The following APAF1 variants were observed in gnomAD, a reference collection of about 807,000 sequenced individuals.
APAF1 encodes apoptotic protease-activating factor 1.
A neutral mutation model predicts 152.4 loss-of-function variants in APAF1; 91 were observed. The ratio of observed to expected loss-of-function variants is 0.60; its 90% CI spans 0.50 to 0.71. The LOEUF is 0.71. Among genes scored for constraint, APAF1 ranks in the 30% least tolerant of loss-of-function variants. The probability of loss-of-function intolerance (pLI) is 0.00; values close to 1 mark genes in which losing one functional copy is unlikely to be tolerated. For missense variants in APAF1, 1,283 were observed against 1,472.0 expected (o/e 0.87, Z 2.10); for synonymous variants, 484 against 494.1 (o/e 0.98, Z 0.27).
chr12:98,665,532 G>T, intron 7 of APAF1, 21 bp from the exon 8 acceptor site: 2 of 1,520,124 alleles, frequency 1.3e-6, no homozygotes, highest in South Asian at 2.2e-5. Flanking sequence ...TTAGCATAGT[G>T]ACTTCATTTT....
intron 14 of APAF1, among the ~76,000 whole-genome samples, 193 bp from the exon 15 acceptor site, chr12:98,682,950 T>A (rs765505499): frequency 1.3e-5 from 2 of 152,164 alleles, no homozygotes; most frequent in Admixed American, 6.5e-5. Flanking sequence ...TGCAAATAAT[T>A]TTTTTTAAAC....
Position 98,667,639 on chromosome 12 carries a change from C to T in APAF1, c.1489C>T (p.His497Tyr), listed in dbSNP as rs781420888. 3 of 1,613,476 alleles carry T rather than the reference C, an allele frequency of 1.9e-6. No individual in the cohort carries two copies. The highest frequency in any genetic ancestry group is 1.6e-4 in the Middle Eastern group (1 of 6,062). The change falls in exon 10 of 27, where the codon CAC becomes TAC. Residue 497 changes from histidine (H) to tyrosine (Y), a missense_variant. Coordinates refer to ENST00000551964, the MANE Select transcript of APAF1 (RefSeq NM_181861.2). ...LAYHMASAKM[H>Y]KELCALMFSL... ...CTATCACATGGCCAGTGCCAAGATG[C>T]ACAAGGTAAGATGACCCATTTAAAA... is the stretch of plus-strand genomic sequence containing the variant.
intron 13 of APAF1, among the ~76,000 whole-genome samples, chr12:98,679,397 C>G (rs1271860910): frequency 2.6e-5 from 4 of 152,176 alleles, no homozygotes; most frequent in African/African-American, 9.6e-5. Flanking sequence ...CTGCCCCCCG[C>G]AGGTTTATTG....
At chr12:98,718,662 G>A (rs552379369) in intron 22 of APAF1, among the ~76,000 whole-genome samples, 7 of 152,218 alleles carry the variant, frequency 4.6e-5, no homozygotes, top group African/African-American at 9.6e-5. Context: ...CTTACTGGGC[G>A]CAGCGGCTCA....
chr12:98,654,811 ATT>A, intron 4 of APAF1, among the ~76,000 whole-genome samples: 1 of 94,560 alleles, frequency 1.1e-5, no homozygotes, highest in East Asian at 3.3e-4. Context: ...TTAAAGTAGT[ATT>A]TTCTTTTTTT....
intron 7 of APAF1, 97 bp from the exon 8 acceptor site, chr12:98,665,456 C>T: frequency 2.3e-6 from 2 of 852,336 alleles, no homozygotes; most frequent in South Asian, 2.7e-5. Context: ...TAACATGCAG[C>T]AGAAATTGTT....
In APAF1 at chr12:98,671,611, A is replaced by G. The variant is rs1401863373; in HGVS notation, c.1685A>G (p.Asn562Ser). The G allele has an allele frequency of 1.2e-6, 2 of 1,613,846 alleles. No individual in the cohort carries two copies. The highest frequency in any genetic ancestry group is 2.2e-5 in the East Asian group (1 of 44,874). Residue 562 changes from asparagine (N) to serine (S), a missense_variant, in exon 12 of 27, where the codon AAT becomes AGT. Asn to Ser is a conservative substitution (Grantham distance 46). Transcript: ENST00000551964. ...CTTCTTGGACGACAGCCATTTCCTA[A>G]TATTGTACAACTGGGTCTCTGTGAG... Reference protein sequence around the residue: ...GHLLGRQPFPNIVQLGLCEPE... With the variant: ...GHLLGRQPFPSIVQLGLCEPE...
At chr12:98,663,369 A>C (rs984764897) in intron 7 of APAF1, among the ~76,000 whole-genome samples, 1 of 152,194 alleles carries the variant, frequency 6.6e-6, no homozygotes, top group Non-Finnish European at 1.5e-5. Context: ...ATTATTTCCC[A>C]GTAAAACAAT....
At chr12:98,713,560 C>T (rs1197057679) in intron 21 of APAF1, among the ~76,000 whole-genome samples, 3 of 152,216 alleles carry the variant, frequency 2.0e-5, no homozygotes, top group African/African-American at 4.8e-5. Flanking sequence ...AAAATAGAAA[C>T]ACTTTGCAAG....
chr12:98,662,838 A>T (rs544496420), intron 7 of APAF1, 32 bp downstream of exon 7: 3 of 1,587,480 alleles, frequency 1.9e-6, no homozygotes, highest in Non-Finnish European at 2.6e-6. Context: ...TGAGGAGATT[A>T]TAGGGAGTTA....
Position 98,683,141 on chromosome 12 carries a change from A to G in APAF1, c.2047-2A>G. 1 of 1,612,060 alleles carries G rather than the reference A, an allele frequency of 6.2e-7. No individual in the cohort carries two copies. The highest frequency in any genetic ancestry group is 8.5e-7 in the Non-Finnish European group (1 of 1,178,802). ...TGTAAATTTTTTCTCTTTTCTCTTT[A>G]GATTTGGAATTCTATGACTGGGGAA... On this transcript the variant is annotated splice_acceptor_variant, in intron 14 of 26. Transcript: ENST00000551964. LOFTEE classifies it high-confidence loss of function.
chr12:98,716,271 T>C (rs2097734612), intron 22 of APAF1, among the ~76,000 whole-genome samples: 1 of 152,208 alleles, frequency 6.6e-6, no homozygotes, highest in South Asian at 2.1e-4. Context: ...ATGTTGCTTT[T>C]TTCCGCCTTC....
intron 17 of APAF1, among the ~76,000 whole-genome samples, chr12:98,702,640 C>T (rs1593087674): frequency 1.3e-5 from 2 of 151,580 alleles, no homozygotes; most frequent in East Asian, 2.0e-4. Context: ...GCCTGACCAA[C>T]ATGGAGAAAC....
chr12:98,708,107 C>T (rs2097723824), intron 19 of APAF1, among the ~76,000 whole-genome samples: 1 of 152,116 alleles, frequency 6.6e-6, no homozygotes, highest in Admixed American at 6.5e-5. Flanking sequence ...CCACCATGCC[C>T]AGCCAAGTTT....
At chr12:98,650,125 A>G (rs2097647092) in intron 4 of APAF1, among the ~76,000 whole-genome samples, 1 of 152,196 alleles carries the variant, frequency 6.6e-6, no homozygotes, top group South Asian at 2.1e-4. Flanking sequence ...GTGTGTTCTC[A>G]TTCATCAGTG....
At chr12:98,695,053 G>A (rs975397697) in intron 16 of APAF1, among the ~76,000 whole-genome samples, 2 of 150,464 alleles carry the variant, frequency 1.3e-5, no homozygotes, top group Admixed American at 1.3e-4. Flanking sequence ...TCTTTTTCTT[G>A]CATTTTTTTT....
At chr12:98,726,590 A>G (rs1342868653) in intron 25 of APAF1, 1 of 154,678 alleles carries the variant, frequency 6.5e-6, no homozygotes, top group African/African-American at 2.4e-5. Context: ...CCAGTCACAT[A>G]AATGTGTGTC....
chr12:98,672,977 C>T (rs189963088), intron 12 of APAF1, among the ~76,000 whole-genome samples: 6 of 151,682 alleles, frequency 4.0e-5, no homozygotes, highest in Admixed American at 6.6e-5. Flanking sequence ...AGGCTGGTCT[C>T]GAACTCCAGA....
chr12:98,715,547 A>G lies in APAF1; in HGVS notation c.3079A>G (p.Ile1027Val), dbSNP rs2097733832. ...TLISSSDDAEIQVWNWQLDKC... is the reference protein window; with the variant it reads ...TLISSSDDAEVQVWNWQLDKC... The stretch of plus-strand genomic sequence containing the variant: ...TATTTCAAGTTCTGATGATGCTGAA[A>G]TTCAGGTGAGAGGGAGGATGAACTC... The change falls in exon 22 of 27, where the codon ATT (isoleucine) becomes GTT (valine). Residue 1027 changes from isoleucine (I) to valine (V), a missense_variant. By Grantham distance (29) the Ile-to-Val change is conservative. Coordinates refer to ENST00000551964, the MANE Select transcript of APAF1 (RefSeq NM_181861.2). 1 of 1,613,586 alleles carries G rather than the reference A, an allele frequency of 6.2e-7. No individual in the cohort carries two copies. Among genetic ancestry groups the G allele is most frequent in the Non-Finnish European group, 8.5e-7 (1 of 1,179,734 alleles).
Sources: gnomAD v4.1 joint callset for allele counts (sites outside exome capture counted in the v4.1 genomes callset) on GRCh38, gnomAD v4.1.1 for gene constraint, MANE v1.5 for transcripts, NCBI Gene and HGNC (gene_info 2026-07-23, HGNC 2026-07-21) for gene names.